Variants in ITGB6 observed in about 807,000 individuals in gnomAD.
ITGB6 encodes integrin beta-6.
In ITGB6, 80 loss-of-function variants were observed where a neutral mutation model predicts 84.5. That is an observed-to-expected ratio of 0.95 (90% confidence interval 0.79 to 1.14). The LOEUF is 1.14. Ranked by LOEUF, ITGB6 falls within the 50% of genes most tolerant of loss-of-function variation. The pLI is 0.00. For synonymous variants in ITGB6, 383 were observed against 354.9 expected, an observed-to-expected ratio of 1.08 and a Z score of -0.89; for missense variants, 1,006 against 968.0, an observed-to-expected ratio of 1.04 and a Z score of -0.52.
intron 6 of ITGB6, 123 bp downstream of exon 6, chr2:160,172,446 T>C: frequency 1.1e-6 from 1 of 943,726 alleles, no homozygotes; most frequent in South Asian, 2.3e-5. Flanking sequence ...AACTTGTTAA[T>C]CCCACATTAG....
At chr2:160,118,770 C>G (rs979501261) in intron 12 of ITGB6, among the ~76,000 whole-genome samples, 6 of 151,048 alleles carry the variant, frequency 4.0e-5, no homozygotes, top group Non-Finnish European at 8.9e-5. Flanking sequence ...AAAACCCCAT[C>G]ATCTCAGCCC....
At chr2:160,157,108 A>T (rs902206378) in intron 7 of ITGB6, among the ~76,000 whole-genome samples, 3 of 152,114 alleles carry the variant, frequency 2.0e-5, no homozygotes, top group Non-Finnish European at 4.4e-5. Context: ...GTCCATTGTC[A>T]CATGATGTTC....
intron 1 of ITGB6, among the ~76,000 whole-genome samples, chr2:160,199,646 A>AGTT (rs2105902220): frequency 6.6e-6 from 1 of 152,344 alleles, no homozygotes; most frequent in Admixed American, 6.5e-5. Flanking sequence ...TTTTGAAATA[A>AGTT]ATCCTCTTTC....
At chr2:160,167,613 T>C (rs1021904389) in intron 7 of ITGB6, among the ~76,000 whole-genome samples, 15 of 152,164 alleles carry the variant, frequency 9.9e-5, no homozygotes, top group Non-Finnish European at 2.1e-4. Flanking sequence ...TAATCTGGCA[T>C]TTTCCTCGGA....
chr2:160,181,875 T>G (rs929678660), intron 4 of ITGB6, among the ~76,000 whole-genome samples: 1 of 152,098 alleles, frequency 6.6e-6, no homozygotes, highest in Admixed American at 6.5e-5. Context: ...CCAGCAAACT[T>G]CAGCAGACCT....
intron 12 of ITGB6, among the ~76,000 whole-genome samples, chr2:160,120,667 T>TGAAAAA: frequency 5.4e-5 from 1 of 18,414 alleles, no homozygotes; most frequent in Non-Finnish European, 8.4e-5. Flanking sequence ...TAGAGTATAA[T>TGAAAAA]TAAAAAAAAA....
At chr2:160,162,518 C>G (rs1182229814) in intron 7 of ITGB6, among the ~76,000 whole-genome samples, 1 of 152,132 alleles carries the variant, frequency 6.6e-6, no homozygotes, top group Non-Finnish European at 1.5e-5. Context: ...CAGCATGCAA[C>G]TAGATCTGGG....
chr2:160,163,572 C>A (rs1684896932), intron 7 of ITGB6, among the ~76,000 whole-genome samples: 1 of 151,086 alleles, frequency 6.6e-6, no homozygotes, highest in Admixed American at 6.6e-5. Flanking sequence ...GCGAAGGTTG[C>A]AGTGAGCTGA....
intron 10 of ITGB6, among the ~76,000 whole-genome samples, chr2:160,129,948 G>C (rs1402963683): frequency 1.3e-5 from 2 of 152,018 alleles, no homozygotes; most frequent in African/African-American, 4.8e-5. Flanking sequence ...GTATATGTGT[G>C]TATACACACA....
Position 160,101,446 on chromosome 2 carries a change from G to T in ITGB6, c.*290C>A. 1 of 305,828 alleles carries T rather than the reference G, an allele frequency of 3.3e-6. No homozygotes were observed. Among genetic ancestry groups the T allele is most frequent in the South Asian group, 4.1e-5 (1 of 24,652 alleles). The allele number at this position is 305,828 out of a possible 1,614,324, so 18.9% of individuals were successfully genotyped here. ...CTCTAATTTCAAACATTTTTCAAAT[G>T]CAAATCAGGCCCCCATGAATCATTT... On this transcript the variant is annotated 3_prime_UTR_variant, in exon 15 of 15. Transcript: ENST00000283249.
chr2:160,157,748 CAAAAAAAAA>C (rs11364475), intron 7 of ITGB6, among the ~76,000 whole-genome samples: 1 of 84,146 alleles, frequency 1.2e-5, no homozygotes, highest in African/African-American at 4.7e-5. Context: ...AGCACAGAGG[CAAAAAAAAA>C]AAAAAAAAAA....
At chr2:160,178,985 A>G (rs973448599) in intron 4 of ITGB6, 1 of 151,922 alleles carries the variant, frequency 6.6e-6, no homozygotes, top group Non-Finnish European at 1.5e-5. Context: ...GCAAGAGTTC[A>G]TTTTCTAACA....
intron 4 of ITGB6, among the ~76,000 whole-genome samples, chr2:160,181,693 G>A (rs1328852314): frequency 1.3e-5 from 2 of 152,200 alleles, no homozygotes; most frequent in African/African-American, 2.4e-5. Context: ...CTCCTGACTG[G>A]GAGACACATC....
chr2:160,164,914 T>C (rs1296025475), intron 7 of ITGB6, among the ~76,000 whole-genome samples: 2 of 152,192 alleles, frequency 1.3e-5, no homozygotes, highest in Non-Finnish European at 2.9e-5. Context: ...CAACTCTGAC[T>C]GATAATCTGA....
At chr2:160,143,159 G>A (rs996595888) in intron 7 of ITGB6, among the ~76,000 whole-genome samples, 7 of 152,038 alleles carry the variant, frequency 4.6e-5, no homozygotes, top group Non-Finnish European at 8.8e-5. Context: ...GTGGTGGCAC[G>A]CCTGTAGTCC....
At chr2:160,107,583 T>C (rs1267676944) in intron 14 of ITGB6, 96 bp downstream of exon 14, 30 of 1,124,926 alleles carry the variant, frequency 2.7e-5, no homozygotes, top group South Asian at 1.5e-5. Flanking sequence ...AAATGTGACA[T>C]TTGAACTCCC....
intron 7 of ITGB6, among the ~76,000 whole-genome samples, chr2:160,163,358 G>A (rs6730023): frequency 0.79 from 120,388 of 152,150 alleles, 51,670 homozygotes; most frequent in Non-Finnish European, 0.96. Flanking sequence ...TTGACCAGGA[G>A]CAGTGCCTCA....
Position 160,200,033 on chromosome 2 carries a change from G to C in ITGB6, c.31C>G (p.Leu11Val). 2.5e-6 allele frequency: 4 copies of C among 1,613,818 alleles called. No homozygotes were observed. Among genetic ancestry groups the C allele is most frequent in the Non-Finnish European group, 3.4e-6 (4 of 1,179,816 alleles). MGIELLCLFF[L>V]FLGRNDHVQG... ...ACGTGATCATTCCTTCCTAGAAATA[G>C]AAAGAACAGGCAAAGCAGTTCAATC... Residue 11 changes from leucine (L) to valine (V), a missense_variant, in exon 1 of 15, where the codon CTA (leucine) becomes GTA (valine). Transcript: ENST00000283249.
intron 4 of ITGB6, among the ~76,000 whole-genome samples, chr2:160,174,901 G>A (rs1304638682): frequency 2.6e-5 from 4 of 152,150 alleles, no homozygotes; most frequent in Non-Finnish European, 5.9e-5. Context: ...GAGATCCCTG[G>A]CCCAGCATCA....
Sources: allele counts gnomAD v4.1 joint callset (sites outside exome capture counted in the v4.1 genomes callset), GRCh38; gene constraint gnomAD v4.1.1; transcripts MANE v1.5; gene names NCBI Gene and HGNC (gene_info 2026-07-23, HGNC 2026-07-21).